The following UST variants were observed in gnomAD, a reference collection of about 807,000 sequenced individuals.
The protein encoded by UST is uronyl 2-sulfotransferase.
In UST, 21 loss-of-function variants were observed where a neutral mutation model predicts 45.6. The observed-to-expected ratio is 0.46, with a 90% CI of 0.33 to 0.66. The LOEUF (loss-of-function observed/expected upper bound fraction) is 0.66, where lower values mean the gene tolerates loss of function less well. Ranked by LOEUF, UST falls within the 30% of genes least tolerant of loss-of-function variation. The probability of loss-of-function intolerance (pLI) is 0.02; values close to 1 mark genes in which losing one functional copy is unlikely to be tolerated. For synonymous variants in UST, 215 were observed against 200.6 expected (o/e 1.07, Z -0.61); for missense variants, 463 against 512.4 (o/e 0.90, Z 0.93).
chr6:148,877,642 T>TA (rs1778707039), intron 1 of UST, among the ~76,000 whole-genome samples: 1 of 51,782 alleles, frequency 1.9e-5, no homozygotes, highest in Non-Finnish European at 3.8e-5. Flanking sequence ...TGTATGAGTG[T>TA]GGGGTCGTGT....
intron 3 of UST, among the ~76,000 whole-genome samples, chr6:148,945,655 A>G: frequency 6.6e-6 from 1 of 152,242 alleles, no homozygotes; most frequent in East Asian, 1.9e-4. Context: ...CGAATGAATC[A>G]ATTCACGATG....
intron 4 of UST, among the ~76,000 whole-genome samples, chr6:148,957,752 T>A (rs992377677): frequency 6.6e-6 from 1 of 152,188 alleles, no homozygotes; most frequent in Non-Finnish European, 1.5e-5. Context: ...TAACATACTT[T>A]AAAAAATAAC....
intron 5 of UST, among the ~76,000 whole-genome samples, chr6:149,003,829 C>T (rs1360599184): frequency 6.6e-6 from 1 of 152,172 alleles, no homozygotes. Context: ...GGGAAGCCAG[C>T]CCAGCACCCC....
intron 1 of UST, among the ~76,000 whole-genome samples, chr6:148,822,454 A>G (rs1777486234): frequency 6.6e-6 from 1 of 152,186 alleles, no homozygotes; most frequent in Admixed American, 6.5e-5. Context: ...CTGACCCCAA[A>G]AAGACGTGAT....
chr6:148,884,868 T>A (rs571734506), intron 1 of UST, among the ~76,000 whole-genome samples: 1 of 152,194 alleles, frequency 6.6e-6, no homozygotes, highest in South Asian at 2.1e-4. Context: ...TTGGTACCTA[T>A]AGCATAGGGG....
At chr6:149,012,879 G>T (rs1390516324) in intron 5 of UST, among the ~76,000 whole-genome samples, 2 of 151,534 alleles carry the variant, frequency 1.3e-5, no homozygotes, top group East Asian at 1.9e-4. Context: ...AAAAAGGAAT[G>T]AAATGCTGAA....
chr6:149,037,324 C>T (rs1776252466), intron 7 of UST, among the ~76,000 whole-genome samples: 1 of 152,220 alleles, frequency 6.6e-6, no homozygotes, highest in Admixed American at 6.5e-5. Context: ...GTTTTTTCCC[C>T]TCTCTAAATA....
chr6:148,870,761 C>T (rs568791273), intron 1 of UST, among the ~76,000 whole-genome samples: 2 of 152,326 alleles, frequency 1.3e-5, no homozygotes, highest in South Asian at 2.1e-4. Context: ...CCCACCATCT[C>T]CTGGGATGCT....
intron 1 of UST, among the ~76,000 whole-genome samples, chr6:148,870,104 T>TCACACACACACACACACA (rs60229120): frequency 0.022 from 3,071 of 141,436 alleles, 56 homozygotes; most frequent in African/African-American, 0.024. Context: ...TGGTAATGTT[T>TCACACACACACACACACA]CACACACACA....
At chr6:148,899,320 C>T (rs951986145) in intron 2 of UST, among the ~76,000 whole-genome samples, 3 of 152,068 alleles carry the variant, frequency 2.0e-5, no homozygotes, top group Non-Finnish European at 2.9e-5. Flanking sequence ...AGAATGGTCT[C>T]GATCTCCTGA....
chr6:149,058,610 C>T (rs1191274919), intron 7 of UST, among the ~76,000 whole-genome samples: 1 of 152,100 alleles, frequency 6.6e-6, no homozygotes, highest in Non-Finnish European at 1.5e-5. Flanking sequence ...ATCAGGATAT[C>T]CTTATCAGTC....
intron 5 of UST, among the ~76,000 whole-genome samples, chr6:148,973,095 A>G (rs1447429878): frequency 6.6e-6 from 1 of 152,062 alleles, no homozygotes; most frequent in East Asian, 1.9e-4. Context: ...AGACATTTTT[A>G]TTTGTTAGGC....
At chr6:148,805,338 A>G (rs1777127884) in intron 1 of UST, among the ~76,000 whole-genome samples, 1 of 152,230 alleles carries the variant, frequency 6.6e-6, no homozygotes, top group African/African-American at 2.4e-5. Flanking sequence ...TTGAAAAAGA[A>G]TAGGAAATGA....
At chr6:148,785,392 T>C (rs1360724920) in intron 1 of UST, among the ~76,000 whole-genome samples, 4 of 152,180 alleles carry the variant, frequency 2.6e-5, no homozygotes, top group Non-Finnish European at 5.9e-5. Flanking sequence ...TTGAGACTAC[T>C]TAGATATACA....
At chr6:149,071,807 C>A (rs969214390) in intron 7 of UST, among the ~76,000 whole-genome samples, 1 of 151,600 alleles carries the variant, frequency 6.6e-6, no homozygotes. Context: ...CAAAAAAAAA[C>A]CCCACTTCAA....
In UST at chr6:149,023,101, G is replaced by GGTGTGTGT. The variant is rs61544082; in HGVS notation, c.937+1662_937+1669dup. ...TCCTTTTGGCTTTATCTTGTTCTAT[G>GGTGTGTGT]GTGTGTGTGTGTGTGTGTGTGTGTG... is the stretch of plus-strand genomic sequence containing the variant. On this transcript the variant is annotated intron_variant, in intron 7 of 7. Transcript: ENST00000367463. Among the ~76,000 whole-genome samples the GGTGTGTGT allele has an allele frequency of 7.2e-4, 104 of 143,452 alleles. 1 individual carries two copies. Among genetic ancestry groups the GGTGTGTGT allele is most frequent in the Admixed American group, 2.0e-3 (29 of 14,312 alleles). The allele number at this position is 143,452 out of a possible 152,430, so 94.1% of individuals were successfully genotyped here.
chr6:148,994,852 C>G (rs992340744), intron 5 of UST, among the ~76,000 whole-genome samples: 5 of 152,186 alleles, frequency 3.3e-5, no homozygotes, highest in Non-Finnish European at 7.4e-5. Flanking sequence ...TCCAGGACCA[C>G]TTCATCCAAT....
At chr6:149,008,915 A>C (rs1775761600) in intron 5 of UST, among the ~76,000 whole-genome samples, 1 of 152,258 alleles carries the variant, frequency 6.6e-6, no homozygotes, top group Non-Finnish European at 1.5e-5. Context: ...CAATGTCAGC[A>C]CAGCTCTCCA....
intron 1 of UST, among the ~76,000 whole-genome samples, chr6:148,797,519 G>A (rs1267297048): frequency 6.6e-6 from 1 of 152,168 alleles, no homozygotes; most frequent in Non-Finnish European, 1.5e-5. Flanking sequence ...AGGCATTGTG[G>A]TATGCATTGG....
Sources: allele counts gnomAD v4.1 joint callset (sites outside exome capture counted in the v4.1 genomes callset), GRCh38; gene constraint gnomAD v4.1.1; transcripts MANE v1.5; gene names NCBI Gene and HGNC (gene_info 2026-07-23, HGNC 2026-07-21).